The following PPRC1 variants were observed in gnomAD, a reference collection of about 807,000 sequenced individuals.
The protein encoded by PPRC1 is peroxisome proliferator-activated receptor gamma coactivator-related protein 1.
In PPRC1, 23 loss-of-function variants were observed where a neutral mutation model predicts 132.5. The observed-to-expected ratio is 0.17, with a 90% CI of 0.12 to 0.25. The LOEUF (loss-of-function observed/expected upper bound fraction) is 0.25, where lower values mean the gene tolerates loss of function less well. Ranked by LOEUF, PPRC1 falls within the 10% of genes least tolerant of loss-of-function variation. PPRC1 has a pLI of 1.00. For synonymous variants in PPRC1, 872 were observed against 833.5 expected (o/e 1.05, Z -0.80); for missense variants, 2,006 against 2,089.1 (o/e 0.96, Z 0.78).
chr10:102,142,012 A>G lies in PPRC1; in HGVS notation c.3496+8A>G, dbSNP rs749071637. The G allele has an allele frequency of 6.3e-7, 1 of 1,597,664 alleles. No individual in the cohort carries two copies. Among genetic ancestry groups the G allele is most frequent in the African/African-American group, 1.3e-5 (1 of 74,828 alleles). ...CTTTCATCAGTGAGATTGGTGAGTG[A>G]CACACAGTTCCCCCATGTAGTCCCC... On this transcript the variant is annotated splice_region_variant and intron_variant, in intron 5 of 13. Coordinates refer to ENST00000278070, the MANE Select transcript of PPRC1 (RefSeq NM_015062.5).
At position 102,141,420 on chromosome 10, in the gene PPRC1, CACCTT is replaced by C; in HGVS notation, c.2915_2919del (p.Pro972GlnfsTer42). ...TGGGCACCCCCTCCTGCCCCAGTCT[CACCTT>C]ACAGTTCCACATGTACCTATGGGCC... On this transcript the variant is annotated frameshift_variant, in exon 5 of 14. Coordinates refer to ENST00000278070, the MANE Select transcript of PPRC1 (RefSeq NM_015062.5). LOFTEE classifies it high-confidence loss of function. 6.2e-7 allele frequency: 1 copy of C among 1,613,940 alleles called. No individual in the cohort carries two copies.
rs141675961 is a variant in PPRC1, at chr10:102,146,415, G to A, written c.3680-257G>A. Among the ~76,000 whole-genome samples, 31 of 152,224 alleles carry A rather than the reference G, an allele frequency of 2.0e-4. No homozygotes were observed. The East Asian group carries it at 5.0e-3, about 25-fold the overall frequency. On this transcript the variant is annotated intron_variant, in intron 8 of 13. Coordinates refer to ENST00000278070, the MANE Select transcript of PPRC1 (RefSeq NM_015062.5). ...CTGAGAATGGAGAGCTTAGACTCTA[G>A]GACCTGGCTACTAGGTTTGGGTAGT...
At chr10:102,142,474 A>G (rs2069036377) in intron 5 of PPRC1, among the ~76,000 whole-genome samples, 1 of 116,900 alleles carries the variant, frequency 8.6e-6, no homozygotes, top group Admixed American at 1.2e-4. Context: ...GCTGGAGTGC[A>G]GTGGCGTGAT....
chr10:102,142,334 C>A (rs1478342492), intron 5 of PPRC1, among the ~76,000 whole-genome samples: 2 of 146,292 alleles, frequency 1.4e-5, no homozygotes, highest in Non-Finnish European at 3.0e-5. Flanking sequence ...ATCTCCTGAT[C>A]TCGTGATCCG....
At position 102,150,008 on chromosome 10, in the gene PPRC1, C is replaced by A. The variant is rs1457243084; in HGVS notation, c.4974C>A (p.Ala1658=). ...ACTTTGACACATTGTTGAAACAGGC[C>A]CAGAAGAACCTCAGGAGGTAACCTT... The part of the protein sequence containing the change: ...SLDFDTLLKQ[A]QKNLRR Residue 1658 remains alanine, a synonymous_variant, in exon 14 of 14, where the codon GCC becomes GCA. Coordinates refer to ENST00000278070, the MANE Select transcript of PPRC1 (RefSeq NM_015062.5). The A allele has an allele frequency of 2.4e-5, 38 of 1,612,484 alleles. No individual in the cohort carries two copies. The highest frequency in any genetic ancestry group is 3.0e-5 in the Non-Finnish European group (35 of 1,178,742).
At chr10:102,143,738 A>G (rs2069100249) in intron 6 of PPRC1, among the ~76,000 whole-genome samples, 2 of 152,308 alleles carry the variant, frequency 1.3e-5, no homozygotes, top group Admixed American at 1.3e-4. Flanking sequence ...AACTAAAGGC[A>G]GAGGGTAGGT....
chr10:102,144,641 A>G (rs924520876), intron 7 of PPRC1: 6 of 469,232 alleles, frequency 1.3e-5, no homozygotes, highest in Non-Finnish European at 2.3e-5. Flanking sequence ...GTAATGGTGT[A>G]ACTTAAAGTG....
At chr10:102,130,526 A>G (rs558106603), upstream of PPRC1, among the ~76,000 whole-genome samples, 167 of 151,500 alleles carry the variant, frequency 1.1e-3, no homozygotes, top group Non-Finnish European at 1.4e-3. Flanking sequence ...ACCTGAGGTC[A>G]GGAGTTTGAG....
chr10:102,130,604 A>C (rs373352286), upstream of PPRC1, among the ~76,000 whole-genome samples: 6 of 151,672 alleles, frequency 4.0e-5, no homozygotes, highest in East Asian at 5.9e-4. Context: ...GCGTGGTGGC[A>C]CATGCCTGTA....
chr10:102,140,120 A>G lies in PPRC1; in HGVS notation c.1612A>G (p.Lys538Glu), dbSNP rs536561658. ...WAAALENSSPKNLERSAGQSS... is the reference protein window; with the variant it reads ...WAAALENSSPENLERSAGQSS... ...AGCTGCCTTGGAGAATTCTAGCCCT[A>G]AGAACTTGGAGAGAAGTGCTGGACA... The change falls in exon 5 of 14, where the codon AAG (lysine) becomes GAG (glutamate). Residue 538 changes from lysine (K) to glutamate (E), a missense_variant. Lys to Glu is a moderately conservative substitution (Grantham distance 56). Coordinates refer to ENST00000278070, the MANE Select transcript of PPRC1 (RefSeq NM_015062.5). 13 of 1,614,258 alleles carry G rather than the reference A, an allele frequency of 8.1e-6. No homozygotes were observed. In the African/African-American group the frequency reaches 1.6e-4, roughly 20 times the overall value.
At chr10:102,126,137 C>T in the PPRC1 span, among the ~76,000 whole-genome samples, 1 of 152,160 alleles carries the variant, frequency 6.6e-6, no homozygotes, top group Non-Finnish European at 1.5e-5. Context: ...GCTGGGATTA[C>T]AGGCATGAGC....
rs1335907957 is a variant in PPRC1 at position 102,147,455 on chromosome 10, C to G, written c.4400+63C>G. The stretch of plus-strand genomic sequence containing the variant: ...GAAGTTCACGTACTTCTGTGGTTTA[C>G]TTTGAAAGCTTTTACCCGTTGACTT... On this transcript the variant is annotated intron_variant, in intron 9 of 13. Coordinates refer to ENST00000278070, the MANE Select transcript of PPRC1 (RefSeq NM_015062.5). 11 of 1,500,332 alleles carry G rather than the reference C, an allele frequency of 7.3e-6. No homozygotes were observed. In the East Asian group the frequency reaches 2.3e-4, roughly 31 times the overall value. The allele number at this position is 1,500,332 out of a possible 1,614,324, so 92.9% of individuals were successfully genotyped here.
chr10:102,144,996 C>A, intron 7 of PPRC1, 24 bp from the exon 8 acceptor site: 1 of 1,468,736 alleles, frequency 6.8e-7, no homozygotes, highest in Non-Finnish European at 9.0e-7. Context: ...ATGAATCAGG[C>A]TTTCCCTTTT....
rs1269437032 is a variant in PPRC1 at position 102,139,016 on chromosome 10, G to A, written c.591+36G>A. 7 of 1,603,788 alleles carry A rather than the reference G, an allele frequency of 4.4e-6. No homozygotes were observed. The African/African-American group carries it at 6.7e-5, about 15-fold the overall frequency. ...CCTAGAGGGTTTCAGAAACTCCCAG[G>A]TGGGAGGAGGAGTGTGTGGGGACAG... On this transcript the variant is annotated intron_variant, in intron 4 of 13. Coordinates refer to ENST00000278070, the MANE Select transcript of PPRC1 (RefSeq NM_015062.5).
At chr10:102,131,016 C>A (rs1429441005), upstream of PPRC1, among the ~76,000 whole-genome samples, 1 of 151,740 alleles carries the variant, frequency 6.6e-6, no homozygotes, top group Non-Finnish European at 1.5e-5. Context: ...CATGGTGAAA[C>A]CCTGTCTCTA....
At chr10:102,132,423 G>A (rs1206055828), upstream of PPRC1, among the ~76,000 whole-genome samples, 1 of 152,338 alleles carries the variant, frequency 6.6e-6, no homozygotes, top group Middle Eastern at 3.4e-3. Context: ...AAGTATTCCA[G>A]GTCGACATAT....
chr10:102,120,360 GGAGT>G, the PPRC1 span: 1 of 984,358 alleles, frequency 1.0e-6, no homozygotes, highest in Non-Finnish European at 1.2e-6. Flanking sequence ...GTGAGTCCGC[GGAGT>G]GTGTGTCCGT....
upstream of PPRC1, among the ~76,000 whole-genome samples, chr10:102,131,556 A>G (rs561450412): frequency 6.6e-6 from 1 of 152,372 alleles, no homozygotes; most frequent in East Asian, 1.9e-4. Context: ...CATGGAAACT[A>G]TTCCACAGAA....
At chr10:102,131,858 A>G (rs951280275), upstream of PPRC1, among the ~76,000 whole-genome samples, 3 of 152,160 alleles carry the variant, frequency 2.0e-5, no homozygotes, top group African/African-American at 7.2e-5. Flanking sequence ...GGGTTTTGCC[A>G]TGTTGTCCAG....
Sources: gnomAD v4.1 joint callset for allele counts (sites outside exome capture counted in the v4.1 genomes callset) on GRCh38, gnomAD v4.1.1 for gene constraint, MANE v1.5 for transcripts, NCBI Gene and HGNC (gene_info 2026-07-23, HGNC 2026-07-21) for gene names.